Variants in FOXJ3 observed in about 807,000 individuals in gnomAD.
The protein encoded by FOXJ3 is forkhead box J3.
Under a neutral mutation model 76.1 loss-of-function variants are expected in FOXJ3, and 22 were observed. That is an observed-to-expected ratio of 0.29 (90% CI 0.21 to 0.41). The LOEUF (loss-of-function observed/expected upper bound fraction) is 0.41. Ranked by LOEUF, FOXJ3 falls within the 10% of genes least tolerant of loss-of-function variation. The probability of loss-of-function intolerance (pLI) is 1.00; values close to 1 mark genes in which losing one functional copy is unlikely to be tolerated. For missense variants in FOXJ3, 613 were observed against 762.1 expected (o/e 0.80, Z 2.30); for synonymous variants, 269 against 261.2 (o/e 1.03, Z -0.29).
At chr1:42,219,037 A>C (rs1041735335) in intron 5 of FOXJ3, among the ~76,000 whole-genome samples, 1 of 152,248 alleles carries the variant, frequency 6.6e-6, no homozygotes, top group African/African-American at 2.4e-5. Flanking sequence ...CAACTTTAAA[A>C]CTAGGTCTCC....
chr1:42,206,970 A>G (rs1646873420), intron 5 of FOXJ3, among the ~76,000 whole-genome samples: 1 of 151,960 alleles, frequency 6.6e-6, no homozygotes, highest in Non-Finnish European at 1.5e-5. Flanking sequence ...AGCTGGGATT[A>G]CAGGTGTGTG....
chr1:42,255,369 A>G (rs1400964316), intron 4 of FOXJ3, among the ~76,000 whole-genome samples: 1 of 152,230 alleles, frequency 6.6e-6, no homozygotes, highest in Non-Finnish European at 1.5e-5. Flanking sequence ...AAAAACTAAA[A>G]GAGGACACTA....
At position 42,198,270 on chromosome 1, in the gene FOXJ3, A is replaced by T. The variant is rs74068163; in HGVS notation, c.759+832T>A. Among the ~76,000 whole-genome samples the T allele has an allele frequency of 8.2e-3, 1,247 of 152,276 alleles. 23 individuals are homozygous for T. The highest frequency in any genetic ancestry group is 0.028 in the African/African-American group (1,176 of 41,550). On this transcript the variant is annotated intron_variant, in intron 7 of 12. Transcript: ENST00000361346. ...CTTTATTTTTTTTTACAGAGCAATA[A>T]TAATTTTGCAGAGGCAACTTTTTCC...
intron 4 of FOXJ3, among the ~76,000 whole-genome samples, chr1:42,251,880 G>A (rs1241971683): frequency 2.5e-4 from 38 of 151,560 alleles, no homozygotes; most frequent in Non-Finnish European, 4.6e-4. Context: ...CACCATGCCC[G>A]GCTAATTTTT....
intron 2 of FOXJ3, among the ~76,000 whole-genome samples, chr1:42,287,740 C>T (rs1653150632): frequency 6.6e-6 from 1 of 152,152 alleles, no homozygotes. Context: ...ACGGGCAGAT[C>T]GCTTGAGCCC....
chr1:42,305,186 G>T (rs541593031), intron 2 of FOXJ3, among the ~76,000 whole-genome samples: 1 of 152,172 alleles, frequency 6.6e-6, no homozygotes, highest in South Asian at 2.1e-4. Context: ...CAAAACTATA[G>T]TAACATGTCA....
At chr1:42,335,573 C>G (rs2124805797), upstream of FOXJ3, 2 of 152,458 alleles carry the variant, frequency 1.3e-5, no homozygotes, top group East Asian at 3.9e-4. Context: ...CCCCATGCCC[C>G]GAAGGAATGG....
At chr1:42,192,284 T>C (rs960614530) in intron 8 of FOXJ3, among the ~76,000 whole-genome samples, 1 of 152,120 alleles carries the variant, frequency 6.6e-6, no homozygotes, top group Non-Finnish European at 1.5e-5. Flanking sequence ...GGAAGGGGCA[T>C]AGGCTGCAAG....
At chr1:42,240,737 G>T (rs1488246886) in intron 4 of FOXJ3, among the ~76,000 whole-genome samples, 1 of 152,116 alleles carries the variant, frequency 6.6e-6, no homozygotes, top group African/African-American at 2.4e-5. Flanking sequence ...TAAATGGAAG[G>T]GATAAAACTG....
In FOXJ3 at chr1:42,335,198, G is replaced by C. The variant is rs968882278; in HGVS notation, c.-157C>G. The C allele has an allele frequency of 1.3e-5, 2 of 152,188 alleles. No individual in the cohort carries two copies. Among genetic ancestry groups the C allele is most frequent in the Non-Finnish European group, 2.9e-5 (2 of 68,060 alleles). The allele number at this position is 152,188 out of a possible 1,614,324, so 9.4% of individuals were successfully genotyped here. A position where few individuals can be genotyped will look rare whatever the true frequency, so the allele number is the denominator to read the frequency against. Reference sequence around the variant, plus strand: ...GCCCCGAGAGCGGCGGCGGCAGCAAGAGCAGCCAACATCCGGGGCCGCGCA... The same window carrying C: ...GCCCCGAGAGCGGCGGCGGCAGCAACAGCAGCCAACATCCGGGGCCGCGCA... On this transcript the variant is annotated 5_prime_UTR_variant, in exon 1 of 13. Transcript: ENST00000361346.
intron 4 of FOXJ3, among the ~76,000 whole-genome samples, chr1:42,238,983 G>C (rs755221903): frequency 2.0e-5 from 3 of 151,804 alleles, no homozygotes; most frequent in Non-Finnish European, 4.4e-5. Context: ...TCTTGGTAAT[G>C]TTTTGCAGTT....
intron 4 of FOXJ3, among the ~76,000 whole-genome samples, chr1:42,233,919 C>T (rs950468024): frequency 8.6e-5 from 13 of 151,680 alleles, no homozygotes; most frequent in African/African-American, 2.9e-4. Flanking sequence ...CAGTATGATA[C>T]TGGCTGTGGG....
At chr1:42,287,012 A>G (rs1242191712) in intron 2 of FOXJ3, among the ~76,000 whole-genome samples, 1 of 152,076 alleles carries the variant, frequency 6.6e-6, no homozygotes, top group East Asian at 1.9e-4. Context: ...CAATATATTC[A>G]ATCTGTTCTA....
intron 3 of FOXJ3, among the ~76,000 whole-genome samples, chr1:42,273,744 A>T: frequency 6.6e-6 from 1 of 151,642 alleles, no homozygotes; most frequent in East Asian, 1.9e-4. Flanking sequence ...CCAAATTAGT[A>T]CTCCCTAGGC....
intron 1 of FOXJ3, among the ~76,000 whole-genome samples, chr1:42,320,215 G>C (rs1353386629): frequency 1.3e-5 from 2 of 151,976 alleles, no homozygotes; most frequent in Non-Finnish European, 2.9e-5. Context: ...GTGAGCGTGG[G>C]GGAGGGGGGG....
chr1:42,256,798 G>T (rs896021377), intron 4 of FOXJ3, among the ~76,000 whole-genome samples: 1 of 152,122 alleles, frequency 6.6e-6, no homozygotes, highest in Non-Finnish European at 1.5e-5. Context: ...TATTAATAGC[G>T]TAAAACTGAA....
At chr1:42,237,437 CAT>C (rs1192214665) in intron 4 of FOXJ3, among the ~76,000 whole-genome samples, 49 of 137,154 alleles carry the variant, frequency 3.6e-4, no homozygotes, top group Middle Eastern at 4.1e-3. Flanking sequence ...TACATACATA[CAT>C]ATATATATAT....
intron 2 of FOXJ3, among the ~76,000 whole-genome samples, chr1:42,298,538 A>G (rs1016645324): frequency 2.0e-5 from 3 of 151,964 alleles, no homozygotes; most frequent in Non-Finnish European, 2.9e-5. Flanking sequence ...ATTTCTGCTT[A>G]TATTTAAAAC....
At chr1:42,293,293 C>A (rs1404242039) in intron 2 of FOXJ3, among the ~76,000 whole-genome samples, 1 of 141,506 alleles carries the variant, frequency 7.1e-6, no homozygotes, top group East Asian at 2.1e-4. Context: ...AAAAAAAAAA[C>A]TTGTATCCAG....
Sources: allele counts gnomAD v4.1 joint callset (sites outside exome capture counted in the v4.1 genomes callset), GRCh38; gene constraint gnomAD v4.1.1; transcripts MANE v1.5; gene names NCBI Gene and HGNC (gene_info 2026-07-23, HGNC 2026-07-21).